The following NMI variants were observed in gnomAD, a reference collection of about 807,000 sequenced individuals.
The protein encoded by NMI is N-myc-interactor.
In NMI, 39 loss-of-function variants were observed where a neutral mutation model predicts 34.3. The ratio of observed to expected loss-of-function variants is 1.14; its 90% confidence interval spans 0.88 to 1.49. NMI has a LOEUF of 1.49. Among genes scored for constraint, NMI ranks in the 40% most tolerant of loss-of-function variants. The pLI is 0.00. For synonymous variants in NMI, 113 were observed against 120.3 expected (o/e 0.94, Z 0.40); for missense variants, 339 against 358.1 (o/e 0.95, Z 0.43).
chr2:151,286,618 A>G (rs1243646376), intron 1 of NMI, among the ~76,000 whole-genome samples: 1 of 120,578 alleles, frequency 8.3e-6, no homozygotes, highest in Non-Finnish European at 1.9e-5. Flanking sequence ...AAACAGAACA[A>G]TTACCTCTAG....
At chr2:151,285,575 G>A (rs1055017345) in intron 1 of NMI, among the ~76,000 whole-genome samples, 10 of 144,116 alleles carry the variant, frequency 6.9e-5, no homozygotes, top group African/African-American at 1.9e-4. Flanking sequence ...GCGACAGAGT[G>A]AGACTCCATC....
chr2:151,282,155 A>G (rs1683418881), intron 2 of NMI, 112 bp from the exon 3 acceptor site: 7 of 607,540 alleles, frequency 1.2e-5, no homozygotes, highest in Non-Finnish European at 2.0e-5. Flanking sequence ...GACATTAGAC[A>G]GTCTCAGAAT....
chr2:151,270,779 AGT>A lies in NMI; in HGVS notation c.836_837del (p.His279LeufsTer27). 1 of 1,614,022 alleles carries A rather than the reference AGT, an allele frequency of 6.2e-7. No homozygotes were observed. Among genetic ancestry groups the A allele is most frequent in the Non-Finnish European group, 8.5e-7 (1 of 1,179,924 alleles). On this transcript the variant is annotated frameshift_variant, in exon 8 of 8. Coordinates refer to ENST00000243346, the MANE Select transcript of NMI (RefSeq NM_004688.3). LOFTEE classifies it high-confidence loss of function. ...EEIVEDLINI[H>X]FQRAKNGGGE... The stretch of plus-strand genomic sequence containing the variant: ...CCACCTCCATTCTTTGCCCGTTGAA[AGT>A]GAATGTTAATTAAATCCTCCACAAT...
rs199814625 is a variant in NMI at position 151,282,013 on chromosome 2, T to C, written c.112A>G (p.Ile38Val). The stretch of plus-strand genomic sequence containing the variant: ...TTTTGGATCTCCTTCTTTAGTTGAA[T>C]ATTTTTCTTTGTAATTTCATCAATT... ...GLIDEITKKN[I>V]QLKKEIQKLE... Residue 38 changes from isoleucine to valine, a missense_variant, in exon 3 of 8, where the codon ATT becomes GTT. By Grantham distance (29) the Ile-to-Val change is conservative. Coordinates refer to ENST00000243346, the MANE Select transcript of NMI (RefSeq NM_004688.3). 3 of 1,527,702 alleles carry C rather than the reference T, an allele frequency of 2.0e-6. No homozygotes were observed. Among genetic ancestry groups the C allele is most frequent in the Non-Finnish European group, 2.7e-6 (3 of 1,105,904 alleles). 94.6% of individuals were successfully genotyped at this position (1,527,702 alleles called of 1,614,324 possible). A position where few individuals can be genotyped will look rare whatever the true frequency, so the allele number is the denominator to read the frequency against.
intron 2 of NMI, among the ~76,000 whole-genome samples, chr2:151,282,604 TG>T (rs752039534): frequency 1.3e-5 from 2 of 152,354 alleles, no homozygotes; most frequent in Non-Finnish European, 2.9e-5. Context: ...TTGCTGACTA[TG>T]CTCTTAACTT....
intron 1 of NMI, 80 bp from the exon 2 acceptor site, chr2:151,283,034 T>C: frequency 1.5e-6 from 1 of 647,962 alleles, no homozygotes; most frequent in Non-Finnish European, 2.4e-6. Context: ...ACTTTTACCC[T>C]TTTATGGAAG....
Position 151,275,936 on chromosome 2 carries a change from C to A in NMI, c.341-72G>T, listed in dbSNP as rs572224708. ...AATTGTTATGCTTTTGGTTTAAGAA[C>A]AAATTATCCTGAATATTTTTAATTT... is the stretch of plus-strand genomic sequence containing the variant. On this transcript the variant is annotated intron_variant, in intron 4 of 7. Transcript: ENST00000243346. 40 of 990,662 alleles carry A rather than the reference C, an allele frequency of 4.0e-5. No homozygotes were observed. The African/African-American group carries it at 6.4e-4, about 16-fold the overall frequency. 61.4% of individuals were successfully genotyped at this position (990,662 alleles called of 1,614,324 possible).
chr2:151,282,955 C>T lies in NMI; in HGVS notation c.-6-1G>A. On this transcript the variant is annotated splice_acceptor_variant, in intron 1 of 7. Coordinates refer to ENST00000243346, the MANE Select transcript of NMI (RefSeq NM_004688.3). LOFTEE classifies it low-confidence loss of function (5UTR_SPLICE). ...CATCTTTATCAGCTTCCATGATCCC[C>T]TAATATTATAAAAAATAAATATTAT... 7.0e-7 allele frequency: 1 copy of T among 1,423,356 alleles called. No individual in the cohort carries two copies. Among genetic ancestry groups the T allele is most frequent in the Non-Finnish European group, 9.5e-7 (1 of 1,055,068 alleles). 88.2% of individuals were successfully genotyped at this position (1,423,356 alleles called of 1,614,324 possible).
intron 3 of NMI, 56 bp downstream of exon 3, chr2:151,281,892 T>C: frequency 1.2e-6 from 1 of 867,388 alleles, no homozygotes; most frequent in South Asian, 1.5e-5. Flanking sequence ...AAAATGCTTT[T>C]TCCAAAAACC....
intron 6 of NMI, among the ~76,000 whole-genome samples, chr2:151,274,003 A>G (rs990305141): frequency 6.6e-6 from 1 of 152,074 alleles, no homozygotes; most frequent in Admixed American, 6.5e-5. Flanking sequence ...TCTCCCTGAC[A>G]CATCCCACCA....
chr2:151,274,506 C>T (rs1369631964), intron 6 of NMI, among the ~76,000 whole-genome samples: 5 of 147,054 alleles, frequency 3.4e-5, no homozygotes, highest in African/African-American at 1.3e-4. Flanking sequence ...GACGGAGTCT[C>T]ACTCTGTCGC....
intron 1 of NMI, among the ~76,000 whole-genome samples, chr2:151,285,269 A>G (rs912336400): frequency 1.7e-4 from 26 of 152,336 alleles, no homozygotes; most frequent in African/African-American, 5.8e-4. Context: ...AATTATAAAT[A>G]TGGAAATGGA....
chr2:151,271,088 G>A (rs538266821), intron 7 of NMI, among the ~76,000 whole-genome samples: 1 of 152,320 alleles, frequency 6.6e-6, no homozygotes, highest in East Asian at 1.9e-4. Flanking sequence ...AAGGAGGGAT[G>A]CTCTGGGAAC....
At chr2:151,282,354 C>T (rs1450660917) in intron 2 of NMI, among the ~76,000 whole-genome samples, 1 of 152,208 alleles carries the variant, frequency 6.6e-6, no homozygotes, top group Non-Finnish European at 1.5e-5. Context: ...TACTTCAGTG[C>T]TGCATCAACT....
chr2:151,275,956 T>A, intron 4 of NMI, 92 bp from the exon 5 acceptor site: 1 of 833,588 alleles, frequency 1.2e-6, no homozygotes, highest in Non-Finnish European at 1.8e-6. Context: ...TGAATATTTT[T>A]AATTTTCTTT....
At chr2:151,271,151 C>A (rs1319827498) in intron 7 of NMI, among the ~76,000 whole-genome samples, 1 of 151,994 alleles carries the variant, frequency 6.6e-6, no homozygotes, top group Non-Finnish European at 1.5e-5. Flanking sequence ...GATTTAGTGA[C>A]CAAATGAATG....
intron 1 of NMI, among the ~76,000 whole-genome samples, chr2:151,288,426 T>A (rs1683547951): frequency 6.6e-6 from 1 of 152,092 alleles, no homozygotes; most frequent in Non-Finnish European, 1.5e-5. Context: ...ATAAGGTAGG[T>A]GGCCTCCGGA....
intron 1 of NMI, among the ~76,000 whole-genome samples, chr2:151,284,351 C>CA (rs953456570): frequency 6.6e-5 from 10 of 151,918 alleles, no homozygotes; most frequent in Non-Finnish European, 1.5e-4. Flanking sequence ...GGCTGGAGTG[C>CA]AGTGGGGCAT....
intron 1 of NMI, 113 bp from the exon 2 acceptor site, chr2:151,283,067 CT>C (rs1472351766): frequency 3.5e-5 from 17 of 483,318 alleles, no homozygotes; most frequent in Non-Finnish European, 4.6e-5. Flanking sequence ...TTTGCTATAT[CT>C]TTTTTTCCCA....
Sources: allele counts gnomAD v4.1 joint callset (sites outside exome capture counted in the v4.1 genomes callset), GRCh38; gene constraint gnomAD v4.1.1; transcripts MANE v1.5; gene names NCBI Gene and HGNC (gene_info 2026-07-23, HGNC 2026-07-21).